TENM2: variants seen among roughly 807,000 people sequenced by gnomAD.
TENM2 encodes teneurin transmembrane protein 2.
In TENM2, 52 loss-of-function variants were observed where a neutral mutation model predicts 245.2. That is an observed-to-expected ratio of 0.21 (90% CI 0.17 to 0.27). The LOEUF (loss-of-function observed/expected upper bound fraction) is 0.27. Ranked by LOEUF, TENM2 falls within the 10% of genes least tolerant of loss-of-function variation. The probability of loss-of-function intolerance (pLI) is 1.00; values close to 1 mark genes in which losing one functional copy is unlikely to be tolerated. For missense variants in TENM2, 3,046 were observed against 3,666.8 expected, an observed-to-expected ratio of 0.83 and a Z score of 4.37; for synonymous variants, 1,363 against 1,438.9, an observed-to-expected ratio of 0.95 and a Z score of 1.19.
chr5:167,974,649 A>G (rs1023701468), intron 4 of TENM2, among the ~76,000 whole-genome samples: 8 of 152,198 alleles, frequency 5.3e-5, no homozygotes, highest in Non-Finnish European at 1.2e-4. Context: ...CACTATTTTC[A>G]TATGAGGAAA....
At chr5:168,097,764 T>C (rs1373067319) in intron 8 of TENM2, among the ~76,000 whole-genome samples, 1 of 152,072 alleles carries the variant, frequency 6.6e-6, no homozygotes, top group East Asian at 1.9e-4. Flanking sequence ...ACTGGTAGTT[T>C]ATTCTTAAAA....
the TENM2 span, among the ~76,000 whole-genome samples, chr5:166,993,853 CAAAG>C: frequency 7.9e-5 from 12 of 152,030 alleles, no homozygotes; most frequent in Non-Finnish European, 1.5e-4. Flanking sequence ...TAATCCGGCT[CAAAG>C]GAAGCATGCT....
At chr5:167,839,555 G>C (rs1320842119) in intron 2 of TENM2, among the ~76,000 whole-genome samples, 1 of 149,462 alleles carries the variant, frequency 6.7e-6, no homozygotes, top group African/African-American at 2.4e-5. Flanking sequence ...TGAGGTGTCT[G>C]TGTGTGTGTG....
At chr5:167,590,735 T>C (rs1281297739) in intron 2 of TENM2, among the ~76,000 whole-genome samples, 1 of 152,168 alleles carries the variant, frequency 6.6e-6, no homozygotes, top group Admixed American at 6.5e-5. Flanking sequence ...AGTCTCATTT[T>C]TGTTTCTTTG....
rs199668382 is a variant in TENM2 at position 167,478,988 on chromosome 5, A to ATGTGTG, written c.502+103516_502+103517insGTGTGT. Reference sequence around the variant, plus strand: ...ATGATTGCATATGACTACTTTATATATATGTGTGTGTGTGTGTATACAGGT... The same window carrying ATGTGTG: ...ATGATTGCATATGACTACTTTATATATGTGTGTATGTGTGTGTGTGTGTATACAGGT... On this transcript the variant is annotated intron_variant, in intron 2 of 28. Transcript: ENST00000518659. Among the ~76,000 whole-genome samples, 8 of 22,412 alleles carry ATGTGTG rather than the reference A, an allele frequency of 3.6e-4. No individual in the cohort carries two copies. In the South Asian group the frequency reaches 6.2e-3, roughly 17 times the overall value. The allele number at this position is 22,412 out of a possible 152,430, so 14.7% of individuals were successfully genotyped here.
intron 25 of TENM2, among the ~76,000 whole-genome samples, chr5:168,237,139 C>T (rs1716250429): frequency 6.9e-6 from 1 of 145,822 alleles, no homozygotes; most frequent in African/African-American, 2.5e-5. Context: ...CCTCAGCCTC[C>T]CAAGTAGCTG....
intron 1 of TENM2, among the ~76,000 whole-genome samples, chr5:167,349,162 C>T (rs1014456997): frequency 6.6e-6 from 1 of 152,200 alleles, no homozygotes; most frequent in Non-Finnish European, 1.5e-5. Context: ...AAGGATTGCT[C>T]ATGCTCACTT....
At chr5:166,995,384 T>C in the TENM2 span, among the ~76,000 whole-genome samples, 1 of 151,592 alleles carries the variant, frequency 6.6e-6, no homozygotes, top group South Asian at 2.1e-4. Context: ...GGACTACAGG[T>C]GCCTGCCACC....
the TENM2 span, among the ~76,000 whole-genome samples, chr5:167,181,770 A>C: frequency 6.6e-6 from 1 of 152,174 alleles, no homozygotes; most frequent in South Asian, 2.1e-4. Flanking sequence ...GAAGCATGCT[A>C]ATTTTTCATT....
intron 2 of TENM2, among the ~76,000 whole-genome samples, chr5:167,514,451 C>T (rs1045914987): frequency 3.3e-5 from 5 of 152,186 alleles, no homozygotes; most frequent in African/African-American, 1.2e-4. Context: ...TAACCGTGTT[C>T]ATCCCAGAAG....
rs1377411881 is a variant in TENM2 at position 167,862,463 on chromosome 5, C to G, written c.503-13523C>G. Among the ~76,000 whole-genome samples the G allele has an allele frequency of 3.9e-5, 6 of 152,220 alleles. No individual in the cohort carries two copies. The East Asian group carries it at 1.2e-3, about 29-fold the overall frequency. On this transcript the variant is annotated intron_variant, in intron 2 of 28. Coordinates refer to ENST00000518659, the Ensembl canonical transcript of TENM2. ...TTTCAGACAAAAATCAGTCACTTTG[C>G]ACCCAATCCTGAGGATGAGTAGCCA...
At chr5:167,359,903 G>A (rs947764687) in intron 1 of TENM2, among the ~76,000 whole-genome samples, 2 of 152,198 alleles carry the variant, frequency 1.3e-5, no homozygotes, top group African/African-American at 4.8e-5. Flanking sequence ...ATCATCCTTA[G>A]CAAACTAAGA....
upstream of TENM2, among the ~76,000 whole-genome samples, chr5:167,283,263 G>T (rs1561834681): frequency 6.6e-6 from 1 of 151,806 alleles, no homozygotes; most frequent in African/African-American, 2.4e-5. Context: ...TGGCCAACCT[G>T]GTCTTGAACT....
At chr5:167,122,460 C>G in the TENM2 span, among the ~76,000 whole-genome samples, 1 of 152,160 alleles carries the variant, frequency 6.6e-6, no homozygotes, top group African/African-American at 2.4e-5. Context: ...CCACCCTCCC[C>G]GGGCTGACTT....
upstream of TENM2, among the ~76,000 whole-genome samples, chr5:167,282,639 A>G (rs1186853666): frequency 6.6e-6 from 1 of 152,210 alleles, no homozygotes; most frequent in Non-Finnish European, 1.5e-5. Flanking sequence ...CTGATTGAGA[A>G]ACTGAGTTCA....
chr5:167,124,277 G>A, the TENM2 span, among the ~76,000 whole-genome samples: 1 of 152,136 alleles, frequency 6.6e-6, no homozygotes, highest in Non-Finnish European at 1.5e-5. Context: ...GACAGAAGGA[G>A]ATTTTTTCAA....
chr5:167,525,336 A>G (rs1562026691), intron 2 of TENM2, among the ~76,000 whole-genome samples: 3 of 152,146 alleles, frequency 2.0e-5, no homozygotes, highest in Non-Finnish European at 4.4e-5. Flanking sequence ...TCCAAATGTC[A>G]GTCTTTTTGA....
intron 2 of TENM2, among the ~76,000 whole-genome samples, chr5:167,636,509 T>G (rs10516034): frequency 0.62 from 93,995 of 152,108 alleles, 33,138 homozygotes; most frequent in Non-Finnish European, 0.81. Context: ...TGCTTAATAT[T>G]TGTCTGATTT....
the TENM2 span, among the ~76,000 whole-genome samples, chr5:167,111,264 A>G: frequency 6.6e-6 from 1 of 152,192 alleles, no homozygotes; most frequent in African/African-American, 2.4e-5. Context: ...AGATCAAAAT[A>G]TTACAATTGG....
Sources: gnomAD v4.1 joint callset for allele counts (sites outside exome capture counted in the v4.1 genomes callset) on GRCh38, gnomAD v4.1.1 for gene constraint, MANE v1.5 for transcripts, NCBI Gene and HGNC (gene_info 2026-07-23, HGNC 2026-07-21) for gene names.